The following TMEM87B variants were observed in gnomAD, a reference collection of about 807,000 sequenced individuals.
TMEM87B encodes the protein transmembrane protein 87B.
In TMEM87B, 83 loss-of-function variants were observed where a neutral mutation model predicts 80.3. The observed-to-expected ratio is 1.03, with a 90% confidence interval of 0.87 to 1.24. TMEM87B has a LOEUF of 1.24. TMEM87B is among the 50% of genes most tolerant of loss of function. The pLI, the probability that TMEM87B is intolerant of heterozygous loss-of-function variation, is 0.00. For synonymous variants in TMEM87B, 219 were observed against 230.5 expected (o/e 0.95, Z 0.45); for missense variants, 625 against 674.4 (o/e 0.93, Z 0.81).
In TMEM87B at chr2:112,112,938, T is replaced by C. The variant is rs1418243565; in HGVS notation, c.1608+9T>C. ...TAGTGGATTCAGATGAGGTAAAATA[T>C]ATTTTTGCATATTTCCTTGGAGCTG... On this transcript the variant is annotated intron_variant, in intron 18 of 18. Transcript: ENST00000283206. 6.2e-7 allele frequency: 1 copy of C among 1,610,374 alleles called. No homozygotes were observed. Among genetic ancestry groups the C allele is most frequent in the African/African-American group, 1.3e-5 (1 of 74,756 alleles).
chr2:112,112,284 C>T lies in TMEM87B; in HGVS notation c.1578-615C>T, dbSNP rs114790824. 6.9e-3 allele frequency among the ~76,000 whole-genome samples: 1,057 copies of T among 152,266 alleles called. 8 individuals are homozygous for T. Among genetic ancestry groups the T allele is most frequent in the African/African-American group, 0.024 (1,009 of 41,540 alleles). ...TTATATCTATATTATCTTTGTTGAG[C>T]AAAAGTTCTGTTATATAACACTTCT... On this transcript the variant is annotated intron_variant, in intron 17 of 18. Coordinates refer to ENST00000283206, the MANE Select transcript of TMEM87B (RefSeq NM_032824.3).
chr2:112,087,290 T>G (rs894563579), intron 9 of TMEM87B, among the ~76,000 whole-genome samples: 2 of 152,164 alleles, frequency 1.3e-5, no homozygotes, highest in Admixed American at 1.3e-4. Context: ...TGAGGGGGCC[T>G]ACTTGCCATT....
chr2:112,091,870 C>T, intron 11 of TMEM87B, 87 bp downstream of exon 11: 9 of 1,085,150 alleles, frequency 8.3e-6, no homozygotes, highest in Non-Finnish European at 1.2e-5. Flanking sequence ...GAAAGAAATA[C>T]AGTTATGCAT....
intron 1 of TMEM87B, among the ~76,000 whole-genome samples, chr2:112,056,774 C>T (rs1156862976): frequency 6.6e-6 from 1 of 152,196 alleles, no homozygotes; most frequent in Non-Finnish European, 1.5e-5. Context: ...TCTTTTAAGA[C>T]CTAGTGCAGC....
At chr2:112,081,002 C>T (rs1678978902) in intron 6 of TMEM87B, 55 bp from the exon 7 acceptor site, 3 of 1,502,566 alleles carry the variant, frequency 2.0e-6, no homozygotes, top group Non-Finnish European at 2.8e-6. Flanking sequence ...AATGAACTTA[C>T]ATTTAAAGAT....
intron 11 of TMEM87B, among the ~76,000 whole-genome samples, chr2:112,095,875 A>G (rs1483230461): frequency 6.6e-6 from 1 of 152,196 alleles, no homozygotes; most frequent in African/African-American, 2.4e-5. Flanking sequence ...ATTTAAGAGC[A>G]GAGAGAGCTG....
intron 1 of TMEM87B, among the ~76,000 whole-genome samples, chr2:112,057,647 G>A (rs1332419272): frequency 6.6e-6 from 1 of 152,132 alleles, no homozygotes; most frequent in Non-Finnish European, 1.5e-5. Context: ...TGTTAGACTG[G>A]TCATTGCTGT....
rs556333083 is a variant in TMEM87B at position 112,073,447 on chromosome 2, ATTG to A, written c.451-1460_451-1458del. The stretch of plus-strand genomic sequence containing the variant: ...TTTCTTAATCTTGATTTCCAATTTT[ATTG>A]TTGTGGTCTGAGAGAGTGGTTGGTA... On this transcript the variant is annotated intron_variant, in intron 4 of 18. Transcript: ENST00000283206. Among the ~76,000 whole-genome samples the A allele has an allele frequency of 7.2e-5, 11 of 152,156 alleles. No individual in the cohort carries two copies. The South Asian group carries it at 1.5e-3, about 20-fold the overall frequency.
intron 8 of TMEM87B, 144 bp from the exon 9 acceptor site, chr2:112,085,861 T>C (rs895569346): frequency 3.1e-6 from 2 of 637,750 alleles, no homozygotes; most frequent in African/African-American, 3.7e-5. Flanking sequence ...CAAGCATCAG[T>C]TGGATTCAGT....
At chr2:112,105,841 C>T (rs1679750694) in intron 15 of TMEM87B, 161 bp from the exon 16 acceptor site, 1 of 457,874 alleles carries the variant, frequency 2.2e-6, no homozygotes, top group Non-Finnish European at 3.7e-6. Context: ...ATATATTTTT[C>T]CTACATTCCC....
At chr2:112,110,996 C>T (rs890119163) in intron 17 of TMEM87B, among the ~76,000 whole-genome samples, 4 of 152,072 alleles carry the variant, frequency 2.6e-5, no homozygotes, top group African/African-American at 9.7e-5. Context: ...TGAGTCCTCC[C>T]ACCCCTCTAC....
At chr2:112,060,172 C>T (rs1037847450) in intron 2 of TMEM87B, 135 bp downstream of exon 2, 5 of 1,017,616 alleles carry the variant, frequency 4.9e-6, no homozygotes, top group Non-Finnish European at 5.1e-6. Flanking sequence ...ATAGTGAAAC[C>T]CCGTCTCTAC....
At chr2:112,097,464 C>G (rs1416292454) in intron 13 of TMEM87B, among the ~76,000 whole-genome samples, 173 bp downstream of exon 13, 4 of 152,096 alleles carry the variant, frequency 2.6e-5, no homozygotes, top group Non-Finnish European at 5.9e-5. Flanking sequence ...CGGTGGCTCA[C>G]GCCTGTAATC....
rs1678012865 is a variant in TMEM87B, at chr2:112,055,488, C to A, written c.-104C>A. ...CGAGCCCCTCCTCCACACCCGAGTC[C>A]GAGCCCCGCGTCCCGGATTCGGACC... On this transcript the variant is annotated 5_prime_UTR_variant, in exon 1 of 19. Coordinates refer to ENST00000283206, the MANE Select transcript of TMEM87B (RefSeq NM_032824.3). 1 of 1,317,832 alleles carries A rather than the reference C, an allele frequency of 7.6e-7. No homozygotes were observed. The highest frequency in any genetic ancestry group is 1.6e-5 in the African/African-American group (1 of 64,514). 81.6% of individuals were successfully genotyped at this position (1,317,832 alleles called of 1,614,324 possible). A position where few individuals can be genotyped will look rare whatever the true frequency, so the allele number is the denominator to read the frequency against.
chr2:112,083,142 T>A (rs976275115), intron 8 of TMEM87B, among the ~76,000 whole-genome samples: 2 of 152,242 alleles, frequency 1.3e-5, no homozygotes, highest in African/African-American at 4.8e-5. Flanking sequence ...CCGACGTGGG[T>A]ATGTTAAGAA....
At chr2:112,070,022 GT>G (rs1188374280) in intron 4 of TMEM87B, among the ~76,000 whole-genome samples, 2 of 150,270 alleles carry the variant, frequency 1.3e-5, no homozygotes, top group Non-Finnish European at 3.0e-5. Context: ...ATTTTTTTTT[GT>G]TTTTTTTCTT....
chr2:112,107,716 A>C, intron 16 of TMEM87B, 72 bp from the exon 17 acceptor site: 1 of 760,002 alleles, frequency 1.3e-6, no homozygotes, highest in Non-Finnish European at 2.1e-6. Context: ...CTTAAGTTAT[A>C]TATATATTCT....
intron 11 of TMEM87B, among the ~76,000 whole-genome samples, chr2:112,094,286 C>T (rs900745191): frequency 3.3e-5 from 5 of 151,854 alleles, no homozygotes; most frequent in South Asian, 2.1e-4. Context: ...CTCAGCCTCC[C>T]GAGTAGCTGG....
At chr2:112,091,933 C>T in intron 11 of TMEM87B, 150 bp downstream of exon 11, 2 of 618,412 alleles carry the variant, frequency 3.2e-6, no homozygotes, top group Non-Finnish European at 5.6e-6. Flanking sequence ...TAGCAACTAC[C>T]CAAACAAGGA....
Sources: allele counts gnomAD v4.1 joint callset (sites outside exome capture counted in the v4.1 genomes callset), GRCh38; gene constraint gnomAD v4.1.1; transcripts MANE v1.5; gene names NCBI Gene and HGNC (gene_info 2026-07-23, HGNC 2026-07-21).